PRRC1: variants seen among roughly 807,000 people sequenced by gnomAD.
PRRC1 encodes protein PRRC1.
Under a neutral mutation model 40.7 loss-of-function variants are expected in PRRC1, and 39 were observed. The ratio of observed to expected loss-of-function variants is 0.96; its 90% CI spans 0.74 to 1.25. The LOEUF (loss-of-function observed/expected upper bound fraction) is 1.25, where lower values mean the gene tolerates loss of function less well. PRRC1 is among the 50% of genes most tolerant of loss of function. The pLI, the probability that PRRC1 is intolerant of heterozygous loss-of-function variation, is 0.00. For synonymous variants in PRRC1, 175 were observed against 193.3 expected (o/e 0.91, Z 0.79); for missense variants, 573 against 548.3 (o/e 1.05, Z -0.45).
At chr5:127,530,515 T>C in intron 5 of PRRC1, 119 bp downstream of exon 5, 1 of 523,522 alleles carries the variant, frequency 1.9e-6, no homozygotes, top group Non-Finnish European at 3.3e-6. Flanking sequence ...GAAATTCTTA[T>C]TATATTCTTG....
intron 6 of PRRC1, among the ~76,000 whole-genome samples, chr5:127,537,786 TA>T (rs145497716): frequency 0.02 from 3,006 of 152,060 alleles, 94 homozygotes; most frequent in African/African-American, 0.069. Context: ...ACTTTAGCCA[TA>T]ACTGCTTCCT....
At chr5:127,533,877 G>A (rs777837623) in intron 6 of PRRC1, 91 bp downstream of exon 6, 1 of 1,338,456 alleles carries the variant, frequency 7.5e-7, no homozygotes, top group Non-Finnish European at 1.1e-6. Context: ...GGAGCTAATA[G>A]ACTTTTACAT....
intron 1 of PRRC1, among the ~76,000 whole-genome samples, chr5:127,522,626 A>G (rs1767489598): frequency 6.6e-6 from 1 of 151,750 alleles, no homozygotes; most frequent in South Asian, 2.1e-4. Context: ...TCCTGGTCTC[A>G]AGGGATCCTC....
chr5:127,539,148 G>A lies in PRRC1; in HGVS notation c.1025+5G>A, dbSNP rs867158193. On this transcript the variant is annotated splice_donor_5th_base_variant and intron_variant, in intron 7 of 8. Coordinates refer to ENST00000296666, the MANE Select transcript of PRRC1 (RefSeq NM_130809.5). ...TGCAGAATTGCTGCCTGACAAGTAAGTGTATTATGTTTCTCTTGGAAGCAA... is the reference window on the plus strand; with the variant it reads ...TGCAGAATTGCTGCCTGACAAGTAAATGTATTATGTTTCTCTTGGAAGCAA... 1.9e-6 allele frequency: 3 copies of A among 1,608,934 alleles called. No homozygotes were observed. The highest frequency in any genetic ancestry group is 2.6e-6 in the Non-Finnish European group (3 of 1,175,684).
intron 5 of PRRC1, among the ~76,000 whole-genome samples, chr5:127,530,776 T>C (rs1055371539): frequency 2.6e-5 from 4 of 151,836 alleles, no homozygotes; most frequent in Non-Finnish European, 5.9e-5. Context: ...TCTCCTGTTA[T>C]CTATTTTAAT....
In PRRC1 at chr5:127,533,793, A is replaced by G. The variant is rs774760199; in HGVS notation, c.921+7A>G. On this transcript the variant is annotated splice_region_variant and intron_variant, in intron 6 of 8. Coordinates refer to ENST00000296666, the MANE Select transcript of PRRC1 (RefSeq NM_130809.5). Reference sequence around the variant, plus strand: ...CTATGCAGCTGGATTAAAAGTGAGTAACAGAACACCATTTTCAGGACATGG... The same window carrying G: ...CTATGCAGCTGGATTAAAAGTGAGTGACAGAACACCATTTTCAGGACATGG... 1.9e-6 allele frequency: 3 copies of G among 1,613,722 alleles called. No homozygotes were observed. The highest frequency in any genetic ancestry group is 1.7e-5 in the Admixed American group (1 of 59,988).
At position 127,524,908 on chromosome 5, in the gene PRRC1, C is replaced by T; in HGVS notation, c.481C>T (p.Pro161Ser). The T allele has an allele frequency of 6.3e-7, 1 of 1,597,064 alleles. No homozygotes were observed. Among genetic ancestry groups the T allele is most frequent in the East Asian group, 2.2e-5 (1 of 44,612 alleles). ...QTPLMPSFSA[P>S]SGTGLLPTPI... is the part of the protein sequence containing the mutation. The stretch of plus-strand genomic sequence containing the variant: ...ACCCCTGATGCCATCATTTTCTGCA[C>T]CTTCAGGAACAGGTAATTCTTTCTG... Residue 161 changes from proline to serine, a missense_variant, in exon 3 of 9, where the codon CCT (proline) becomes TCT (serine). Transcript: ENST00000296666.
In PRRC1 at chr5:127,553,357, C is replaced by T; in HGVS notation, c.*1441C>T. 1 of 989,390 alleles carries T rather than the reference C, an allele frequency of 1.0e-6. No homozygotes were observed. Among genetic ancestry groups the T allele is most frequent in the South Asian group, 4.6e-5 (1 of 21,616 alleles). 61.3% of individuals were successfully genotyped at this position (989,390 alleles called of 1,614,324 possible). ...TATTAAATATATGTTACTTTCCAAG[C>T]ACTGTATAATGACTGTTCAGTGAAT... On this transcript the variant is annotated 3_prime_UTR_variant, in exon 9 of 9. Transcript: ENST00000296666.
rs1389913250 is a variant in PRRC1, at chr5:127,555,009, C to T, written c.*3093C>T. 1 of 152,458 alleles carries T rather than the reference C, an allele frequency of 6.6e-6. No individual in the cohort carries two copies. The highest frequency in any genetic ancestry group is 1.5e-5 in the Non-Finnish European group (1 of 68,000). 9.4% of individuals were successfully genotyped at this position (152,458 alleles called of 1,614,324 possible). On this transcript the variant is annotated 3_prime_UTR_variant, in exon 9 of 9. Transcript: ENST00000296666. ...ATGGTGTTCATTTTATGATATTACG[C>T]AGGATGATGTATTGAGTAAAATCAG...
chr5:127,527,837 C>T (rs549096583), intron 4 of PRRC1, among the ~76,000 whole-genome samples: 6 of 150,576 alleles, frequency 4.0e-5, no homozygotes, highest in South Asian at 4.2e-4. Flanking sequence ...TTTTTTTCCT[C>T]CGAATTAATT....
In PRRC1 at chr5:127,553,961, G is replaced by T; in HGVS notation, c.*2045G>T. On this transcript the variant is annotated 3_prime_UTR_variant, in exon 9 of 9. Coordinates refer to ENST00000296666, the MANE Select transcript of PRRC1 (RefSeq NM_130809.5). ...GATGGAAGAGAGAAATACATGAACT[G>T]CTCTGGCCTCTCTGGTTCTGTTCTT... 6.7e-7 allele frequency: 1 copy of T among 1,500,734 alleles called. No individual in the cohort carries two copies. The highest frequency in any genetic ancestry group is 1.4e-5 in the African/African-American group (1 of 72,028). The allele number at this position is 1,500,734 out of a possible 1,614,324, so 93.0% of individuals were successfully genotyped here. A position where few individuals can be genotyped will look rare whatever the true frequency, so the allele number is the denominator to read the frequency against.
At chr5:127,519,651 A>G (rs907695038) in intron 1 of PRRC1, among the ~76,000 whole-genome samples, 3 of 152,136 alleles carry the variant, frequency 2.0e-5, no homozygotes, top group African/African-American at 7.2e-5. Context: ...CATCTTACTA[A>G]ACCAATAATT....
intron 7 of PRRC1, among the ~76,000 whole-genome samples, chr5:127,543,328 G>A (rs1580947208): frequency 6.6e-6 from 1 of 151,806 alleles, no homozygotes; most frequent in East Asian, 1.9e-4. Flanking sequence ...TTTCAACTTT[G>A]GTGAATCTGA....
At chr5:127,547,563 T>G (rs986811330) in intron 7 of PRRC1, among the ~76,000 whole-genome samples, 1 of 152,140 alleles carries the variant, frequency 6.6e-6, no homozygotes, top group Non-Finnish European at 1.5e-5. Context: ...TCCCTTCCCA[T>G]GGAGAGGAAG....
At chr5:127,530,175 T>TA (rs1767729612) in intron 4 of PRRC1, 119 bp from the exon 5 acceptor site, 2 of 701,828 alleles carry the variant, frequency 2.8e-6, no homozygotes, top group African/African-American at 3.6e-5. Flanking sequence ...TTATATATCT[T>TA]ACAAAAGTAC....
chr5:127,545,555 A>G (rs1292422034), intron 7 of PRRC1, among the ~76,000 whole-genome samples: 1 of 147,714 alleles, frequency 6.8e-6, no homozygotes, highest in Non-Finnish European at 1.5e-5. Context: ...CAAACATCAC[A>G]TGTTCTCACT....
chr5:127,534,064 T>A (rs1488767129), intron 6 of PRRC1, among the ~76,000 whole-genome samples: 1 of 152,188 alleles, frequency 6.6e-6, no homozygotes, highest in Non-Finnish European at 1.5e-5. Context: ...TAATCCAGCA[T>A]TAACATTCAA....
rs113631271 is a variant in PRRC1, at chr5:127,524,786, T to C, written c.359T>C (p.Leu120Pro). ...CCTTCAACTTCTGCCCCAAACACTC[T>C]TTTACCTGCACCCCCTTCGGGTCCT... ...FPPSTSAPNT[L>P]LPAPPSGPPI... Residue 120 changes from leucine to proline, a missense_variant, in exon 3 of 9, where the codon CTT (leucine) becomes CCT (proline). Physicochemically the swap from Leu to Pro is moderately conservative, Grantham distance 98. Transcript: ENST00000296666. The C allele has an allele frequency of 2.0e-5, 33 of 1,614,202 alleles. No homozygotes were observed. The African/African-American group carries it at 2.5e-4, about 12-fold the overall frequency.
At chr5:127,541,391 A>C (rs113479619) in intron 7 of PRRC1, among the ~76,000 whole-genome samples, 1 of 152,076 alleles carries the variant, frequency 6.6e-6, no homozygotes, top group Non-Finnish European at 1.5e-5. Flanking sequence ...GGCCTCATAA[A>C]ATGAGTTAGG....
Sources: gnomAD v4.1 joint callset for allele counts (sites outside exome capture counted in the v4.1 genomes callset) on GRCh38, gnomAD v4.1.1 for gene constraint, MANE v1.5 for transcripts, NCBI Gene and HGNC (gene_info 2026-07-23, HGNC 2026-07-21) for gene names.